The following KDM6B variants were observed in gnomAD, a reference collection of about 807,000 sequenced individuals.
KDM6B encodes the protein lysine demethylase 6B.
KDM6B carries 22 observed loss-of-function variants against 150.4 expected under a neutral mutation model. The observed-to-expected ratio is 0.15, with a 90% confidence interval of 0.10 to 0.21. KDM6B has a LOEUF of 0.21. Among genes scored for constraint, KDM6B ranks in the 10% least tolerant of loss-of-function variants. The pLI, the probability that KDM6B is intolerant of heterozygous loss-of-function variation, is 1.00. For synonymous variants in KDM6B, 1,148 were observed against 921.1 expected (o/e 1.25, Z -4.46); for missense variants, 1,984 against 2,234.3 (o/e 0.89, Z 2.26).
rs143815186 is a variant in KDM6B, at chr17:7,847,003, C to T, written c.896C>T (p.Pro299Leu). The T allele has an allele frequency of 2.5e-6, 4 of 1,613,462 alleles. No individual in the cohort carries two copies. The highest frequency in any genetic ancestry group is 3.4e-6 in the Non-Finnish European group (4 of 1,179,910). The change falls in exon 10 of 24, where the codon CCC (proline) becomes CTC (leucine). Residue 299 changes from proline to leucine, a missense_variant. Transcript: ENST00000448097. The stretch of plus-strand genomic sequence containing the variant: ...GGCCCAGAGCGCAAGGGTTCAGCAC[C>T]CCCAGAGCGCCAGGTGAGCCCCTGC... ...AWGPERKGSA[P>L]PERQEQRHSL...
rs912020127 is a variant in KDM6B at position 7,844,815 on chromosome 17, G to A, written c.-268-86G>A. 6.4e-6 allele frequency: 1 copy of A among 156,510 alleles called. No homozygotes were observed. The highest frequency in any genetic ancestry group is 1.4e-5 in the Non-Finnish European group (1 of 70,096). 9.7% of individuals were successfully genotyped at this position (156,510 alleles called of 1,614,324 possible). The stretch of plus-strand genomic sequence containing the variant: ...GCGGGGTCACATCGGGGTCACCCCG[G>A]GCTGAGCTCGTCTGACCGGCTCCCG... On this transcript the variant is annotated intron_variant, in intron 2 of 23. Transcript: ENST00000448097. The surrounding 1 kb of genome is among the most constrained non-coding windows in gnomAD (Gnocchi z 5.9).
At chr17:7,845,226 T>G in intron 3 of KDM6B, 88 bp from the exon 4 acceptor site, 7 of 477,364 alleles carry the variant, frequency 1.5e-5, no homozygotes, top group Middle Eastern at 5.9e-4. Context: ...AAATGACAAA[T>G]TGGTGGATGC....
chr17:7,848,552 C>G lies in KDM6B; in HGVS notation c.2264C>G (p.Thr755Ser). The change falls in exon 12 of 24, where the codon ACC becomes AGC. Residue 755 changes from threonine to serine, a missense_variant. This residue lies in a region of KDM6B where 1,379 missense variants were observed against 1,275.6 expected (regional missense o/e 1.08). Coordinates refer to ENST00000448097, the MANE Select transcript of KDM6B (RefSeq NM_001348716.2). ...CCTGCTGTCGCCGTCACCACCACCA[C>G]CACCACCACCACCACCACCACGGCC... ...TAPAVAVTTT[T>S]TTTTTTTATQ... 6.3e-7 allele frequency: 1 copy of G among 1,596,790 alleles called. No individual in the cohort carries two copies. Among genetic ancestry groups the G allele is most frequent in the Non-Finnish European group, 8.5e-7 (1 of 1,171,746 alleles).
chr17:7,849,789 G>A, intron 12 of KDM6B, 32 bp from the exon 13 acceptor site: 1 of 1,612,870 alleles, frequency 6.2e-7, no homozygotes, highest in East Asian at 2.2e-5. Flanking sequence ...TCACCCTGAT[G>A]TTTCTGTCTT....
chr17:7,853,509 C>A lies in KDM6B; in HGVS notation c.4920C>A (p.Ser1640Arg). 1.3e-6 allele frequency: 2 copies of A among 1,506,220 alleles called. No individual in the cohort carries two copies. Among genetic ancestry groups the A allele is most frequent in the Non-Finnish European group, 1.8e-6 (2 of 1,134,468 alleles). 93.3% of individuals were successfully genotyped at this position (1,506,220 alleles called of 1,614,324 possible). Residue 1640 changes from serine (S) to arginine (R), a missense_variant, in exon 24 of 24, where the codon AGC becomes AGA. Around this residue, in one of 13 missense-constraint regions of KDM6B, gnomAD observed 58 missense variants for 76.4 expected, o/e 0.76. Transcript: ENST00000448097. ...CTTTCTCCCCCCAGGCCCCAGCCAGCACGTCGCGATGAGGCCGGACGCCCC... is the reference window on the plus strand; with the variant it reads ...CTTTCTCCCCCCAGGCCCCAGCCAGAACGTCGCGATGAGGCCGGACGCCCC... ...AYDAFTLAPA[S>R]TSR
At chr17:7,834,631 G>A (rs1479428707) in intron 1 of KDM6B, among the ~76,000 whole-genome samples, 2 of 150,658 alleles carry the variant, frequency 1.3e-5, no homozygotes, top group East Asian at 4.0e-4. Flanking sequence ...CCCGACTCCA[G>A]GGCGGGGCGG....
At chr17:7,835,516 G>C (rs540677442) in intron 1 of KDM6B, among the ~76,000 whole-genome samples, 1 of 152,120 alleles carries the variant, frequency 6.6e-6, no homozygotes, top group African/African-American at 2.4e-5. Flanking sequence ...CCTCCCCTGG[G>C]TTGCTTGTCC....
At position 7,848,243 on chromosome 17, in the gene KDM6B, C is replaced by G; in HGVS notation, c.1955C>G (p.Ala652Gly). The G allele has an allele frequency of 6.2e-7, 1 of 1,611,564 alleles. No individual in the cohort carries two copies. The highest frequency in any genetic ancestry group is 2.2e-5 in the East Asian group (1 of 44,776). The change falls in exon 12 of 24, where the codon GCC becomes GGC. Residue 652 changes from alanine (A) to glycine (G), a missense_variant. Physicochemically the swap from Ala to Gly is moderately conservative, Grantham distance 60. Transcript: ENST00000448097. ...CCACCCCCAGGCCCCCTGAGTAAAG[C>G]CCCCCAGCCTGTGCCGCCCGGGGTT... is the stretch of plus-strand genomic sequence containing the variant. Reference protein sequence around the residue: ...PGPPPGPLSKAPQPVPPGVGE... With the variant: ...PGPPPGPLSKGPQPVPPGVGE...
chr17:7,848,824 A>T lies in KDM6B; in HGVS notation c.2536A>T (p.Thr846Ser), dbSNP rs201086487. 9.4e-5 allele frequency: 151 copies of T among 1,612,052 alleles called. No homozygotes were observed. In the East Asian group the frequency reaches 3.3e-3, roughly 35 times the overall value. ...TTCCCCTGGCCCCCCATCAGGTGCT[A>T]CCGCCCTGCCGCCCACCTCAGCGGC... Reference protein sequence around the residue: ...QYSPGPPSGATALPPTSAAPS... With the variant: ...QYSPGPPSGASALPPTSAAPS... The change falls in exon 12 of 24, where the codon ACC becomes TCC. Residue 846 changes from threonine to serine, a missense_variant. Thr to Ser is a moderately conservative substitution (Grantham distance 58, BLOSUM62 1). Transcript: ENST00000448097.
intron 2 of KDM6B, among the ~76,000 whole-genome samples, chr17:7,842,794 G>A (rs1399696172): frequency 6.6e-6 from 1 of 151,796 alleles, no homozygotes; most frequent in East Asian, 1.9e-4. Flanking sequence ...TGGGAAGAGG[G>A]GAAGGTTTTC....
At chr17:7,838,777 C>T (rs1009160926) in intron 1 of KDM6B, among the ~76,000 whole-genome samples, 1 of 151,926 alleles carries the variant, frequency 6.6e-6, no homozygotes, top group Admixed American at 6.6e-5. Context: ...GCCTCCCTGT[C>T]CTGGAGAGTT....
rs1489428498 is a variant in KDM6B at position 7,853,196 on chromosome 17, C to T, written c.4738-14C>T. On this transcript the variant is annotated splice_polypyrimidine_tract_variant and intron_variant, in intron 22 of 23. Transcript: ENST00000448097. ...CCCTCCCTCCCCCTGACTGCACTGTCCTCCCTGCCCCAGGTGGAGGTGTTT... is the reference window on the plus strand; with the variant it reads ...CCCTCCCTCCCCCTGACTGCACTGTTCTCCCTGCCCCAGGTGGAGGTGTTT... The T allele has an allele frequency of 1.2e-6, 2 of 1,613,424 alleles. No individual in the cohort carries two copies. The highest frequency in any genetic ancestry group is 8.5e-7 in the Non-Finnish European group (1 of 1,179,844).
chr17:7,848,032 G>C lies in KDM6B; in HGVS notation c.1744G>C (p.Asp582His). 6.2e-7 allele frequency: 1 copy of C among 1,608,982 alleles called. No homozygotes were observed. The highest frequency in any genetic ancestry group is 1.1e-5 in the South Asian group (1 of 90,914). ...PPPPYLARSI[D>H]PLPRPPSPAQ... Reference sequence around the variant, plus strand: ...ACCACCCTATCTGGCCAGAAGTATAGACCCCCTTCCCCGGCCTCCCAGCCC... The same window carrying C: ...ACCACCCTATCTGGCCAGAAGTATACACCCCCTTCCCCGGCCTCCCAGCCC... The change falls in exon 12 of 24, where the codon GAC (aspartate) becomes CAC (histidine). Residue 582 changes from aspartate (D) to histidine (H), a missense_variant. Around this residue, in one of 13 missense-constraint regions of KDM6B, gnomAD observed 1,379 missense variants for 1,275.6 expected, o/e 1.08. Transcript: ENST00000448097.
intron 14 of KDM6B, 23 bp downstream of exon 14, chr17:7,850,200 G>A: frequency 6.3e-7 from 1 of 1,588,760 alleles, no homozygotes; most frequent in South Asian, 1.1e-5. Flanking sequence ...GGCAGAAAGT[G>A]TTAGGGAGGG....
At chr17:7,841,903 TC>T (rs1165098782) in intron 2 of KDM6B, among the ~76,000 whole-genome samples, 1 of 152,026 alleles carries the variant, frequency 6.6e-6, no homozygotes, top group East Asian at 1.9e-4. Flanking sequence ...CGCCTCCCCC[TC>T]CCCCAGGTAA....
At chr17:7,836,880 T>A (rs1243423004) in intron 1 of KDM6B, among the ~76,000 whole-genome samples, 1 of 152,202 alleles carries the variant, frequency 6.6e-6, no homozygotes, top group Non-Finnish European at 1.5e-5. Flanking sequence ...CTAGTGCACG[T>A]GCCCCGGGAT....
intron 21 of KDM6B, 93 bp from the exon 22 acceptor site, chr17:7,852,894 CCCCTAGGGGAGGG>C: frequency 1.4e-6 from 2 of 1,481,040 alleles, no homozygotes; most frequent in East Asian, 2.3e-5. Context: ...AGCGGGGAGG[CCCCTAGGGGAGGG>C]CCCTGGGGCT....
At position 7,851,523 on chromosome 17, in the gene KDM6B, C is replaced by G. The variant is rs758404154; in HGVS notation, c.3990C>G (p.Thr1330=). 79 of 1,614,024 alleles carry G rather than the reference C, an allele frequency of 4.9e-5. No individual in the cohort carries two copies. Among genetic ancestry groups the G allele is most frequent in the Non-Finnish European group, 5.2e-5 (61 of 1,180,032 alleles). Residue 1330 remains threonine (T), a synonymous_variant, in exon 17 of 24, where the codon ACC becomes ACG. Transcript: ENST00000448097. Reference sequence around the variant, plus strand: ...ACCATCACATCATCAAGTTTGGCACCAACATCGACTTGTCTGATGCTAAGC... The same window carrying G: ...ACCATCACATCATCAAGTTTGGCACGAACATCGACTTGTCTGATGCTAAGC... ...PKNHHIIKFG[T]NIDLSDAKRW...
rs145011153 is a variant in KDM6B, at chr17:7,852,893, G to A, written c.4611-107G>A. 8,396 of 1,477,194 alleles carry A rather than the reference G, an allele frequency of 5.7e-3. 98 individuals carry two copies. Among genetic ancestry groups the A allele is most frequent in the South Asian group, 0.035 (3,089 of 87,294 alleles). The allele number at this position is 1,477,194 out of a possible 1,614,324, so 91.5% of individuals were successfully genotyped here. Reference sequence around the variant, plus strand: ...TGTGACCTAGACATGAAGCGGGGAGGCCCCTAGGGGAGGGCCCTGGGGCTG... The same window carrying A: ...TGTGACCTAGACATGAAGCGGGGAGACCCCTAGGGGAGGGCCCTGGGGCTG... On this transcript the variant is annotated intron_variant, in intron 21 of 23. Transcript: ENST00000448097.
Sources: allele counts gnomAD v4.1 joint callset (sites outside exome capture counted in the v4.1 genomes callset), GRCh38; gene constraint gnomAD v4.1.1; regional missense constraint gnomAD v4.1.1; non-coding constraint Gnocchi (gnomAD v3.1); transcripts MANE v1.5; gene names NCBI Gene and HGNC (gene_info 2026-07-23, HGNC 2026-07-21).